The following RNF128 variants were observed in gnomAD, a reference collection of about 807,000 sequenced individuals.
RNF128 encodes the protein ring finger protein 128, also known as E3 ubiquitin-protein ligase RNF128.
A neutral mutation model predicts 26.2 loss-of-function variants in RNF128; 13 were observed. That is an observed-to-expected ratio of 0.50 (90% CI 0.32 to 0.79). The LOEUF is 0.79. Ranked by LOEUF, RNF128 falls within the 30% of genes least tolerant of loss-of-function variation. The pLI, the probability that RNF128 is intolerant of heterozygous loss-of-function variation, is 0.03. For synonymous variants in RNF128, 149 were observed against 142.5 expected, an observed-to-expected ratio of 1.05 and a Z score of -0.32; for missense variants, 315 against 349.7, an observed-to-expected ratio of 0.90 and a Z score of 0.79.
chrX:106,731,665 CTT>C (rs1396102246), intron 1 of RNF128, among the ~76,000 whole-genome samples: 1 of 111,207 alleles, frequency 9.0e-6, no homozygotes, highest in East Asian at 2.8e-4. Context: ...CCTTGCCTCT[CTT>C]TTGTTTCATT....
intron 1 of RNF128, among the ~76,000 whole-genome samples, chrX:106,754,564 T>A (rs1929967489): frequency 1.9e-5 from 2 of 107,929 alleles, no homozygotes; most frequent in South Asian, 4.1e-4. Context: ...CCAGCCAAAA[T>A]TTTTTTTAAA....
intron 1 of RNF128, among the ~76,000 whole-genome samples, chrX:106,714,177 CA>C (rs59889624): frequency 0.078 from 4,005 of 51,526 alleles, 241 homozygotes; most frequent in African/African-American, 0.18. Flanking sequence ...GACTCCGTCT[CA>C]AAAAAAAAAA....
chrX:106,768,006 A>C (rs189980996), intron 1 of RNF128, among the ~76,000 whole-genome samples: 26 of 111,506 alleles, frequency 2.3e-4, no homozygotes, highest in African/African-American at 8.1e-4. Context: ...TGTTTATATG[A>C]TGGATTACAT....
At chrX:106,770,739 G>A (rs1329484846) in intron 1 of RNF128, among the ~76,000 whole-genome samples, 3 of 111,903 alleles carry the variant, frequency 2.7e-5, no homozygotes, top group African/African-American at 9.8e-5. Context: ...ATCATCTGAA[G>A]CCTTCTTCTC....
chrX:106,764,279 A>C (rs921349288), intron 1 of RNF128, among the ~76,000 whole-genome samples: 8 of 110,517 alleles, frequency 7.2e-5, no homozygotes, highest in African/African-American at 2.6e-4. Flanking sequence ...TTTGTTTTTC[A>C]ACCTTCATCT....
intron 1 of RNF128, among the ~76,000 whole-genome samples, chrX:106,710,237 T>C (rs779128407): frequency 9.7e-4 from 108 of 111,749 alleles, no homozygotes; most frequent in African/African-American, 3.1e-3. Flanking sequence ...AGAATTTGTT[T>C]TGAACAGAAG....
At chrX:106,725,603 G>T (rs900098119), upstream of RNF128, among the ~76,000 whole-genome samples, 6 of 112,273 alleles carry the variant, frequency 5.3e-5, no homozygotes, top group African/African-American at 1.9e-4. Context: ...TTAGAATTGT[G>T]TCTCTGAACC....
At chrX:106,791,021 G>A (rs969231852) in intron 5 of RNF128, 45 bp from the exon 6 acceptor site, 1 of 1,137,871 alleles carries the variant, frequency 8.8e-7, no homozygotes, top group African/African-American at 1.8e-5. Flanking sequence ...TCGAGGAAAA[G>A]CGTGTACACT....
chrX:106,788,381 TATATATAATATATATTATATATA>T (rs1930709331), intron 4 of RNF128, among the ~76,000 whole-genome samples: 1 of 39,556 alleles, frequency 2.5e-5, no homozygotes, highest in East Asian at 9.1e-4. Flanking sequence ...TATTATATAT[TATATATAATATATATTATATATA>T]ATATATAATA....
chrX:106,756,308 G>A (rs2147684452), intron 1 of RNF128, among the ~76,000 whole-genome samples: 2 of 111,216 alleles, frequency 1.8e-5, no homozygotes, highest in East Asian at 5.7e-4. Flanking sequence ...AACAAAGCGG[G>A]AGGCATCACA....
At chrX:106,742,880 G>A (rs1386093544) in intron 1 of RNF128, among the ~76,000 whole-genome samples, 1 of 110,868 alleles carries the variant, frequency 9.0e-6, no homozygotes, top group African/African-American at 3.3e-5. Flanking sequence ...GCACAACTAT[G>A]TATATAGTGT....
At chrX:106,716,833 A>G (rs1929224504) in intron 1 of RNF128, among the ~76,000 whole-genome samples, 1 of 111,512 alleles carries the variant, frequency 9.0e-6, no homozygotes, top group Non-Finnish European at 1.9e-5. Context: ...TATTATGTGT[A>G]AAATACAGTG....
Position 106,693,946 on chromosome X carries a change from A to T in RNF128, c.-57A>T. On this transcript the variant is annotated 5_prime_UTR_variant, in exon 1 of 7. Coordinates refer to the RNF128 transcript ENST00000324342. ...GCAGGGACGTGAGTGGACAATGGTGACTGATAGTTGGAAATATCAGCAAAC... is the reference window on the plus strand; with the variant it reads ...GCAGGGACGTGAGTGGACAATGGTGTCTGATAGTTGGAAATATCAGCAAAC... 4 of 1,048,784 alleles carry T rather than the reference A, an allele frequency of 3.8e-6. No individual in the cohort carries two copies. In the South Asian group the frequency reaches 6.7e-5, roughly 18 times the overall value. The allele number at this position is 1,048,784 out of a possible 1,213,427, so 86.4% of individuals were successfully genotyped here.
chrX:106,698,508 G>A (rs1474036069), intron 1 of RNF128, among the ~76,000 whole-genome samples: 6 of 111,526 alleles, frequency 5.4e-5, no homozygotes, highest in African/African-American at 2.0e-4. Flanking sequence ...AATGAAGTGA[G>A]AAGATGACAA....
intron 1 of RNF128, among the ~76,000 whole-genome samples, chrX:106,719,073 T>C (rs1006132328): frequency 1.8e-5 from 2 of 112,423 alleles, no homozygotes; most frequent in Non-Finnish European, 3.8e-5. Flanking sequence ...CTTAGCTTAA[T>C]AGGTGATTGT....
intron 1 of RNF128, among the ~76,000 whole-genome samples, chrX:106,763,760 C>T (rs1462614889): frequency 8.9e-6 from 1 of 111,932 alleles, no homozygotes; most frequent in Non-Finnish European, 1.9e-5. Context: ...CCCGCCTCCT[C>T]GGCCTCCCAA....
rs1929409293 is a variant in RNF128 at position 106,726,934 on chromosome X, C to T, written c.21C>T (p.Ala7=). Reference sequence around the variant, plus strand: ...GCGCCATGGGGCCGCCGCCTGGGGCCGGGGTCTCCTGCCGCGGTGGCTGCG... The same window carrying T: ...GCGCCATGGGGCCGCCGCCTGGGGCTGGGGTCTCCTGCCGCGGTGGCTGCG... MGPPPG[A]GVSCRGGCGF... is the part of the protein sequence containing the mutation. Residue 7 remains alanine (A), a synonymous_variant, in exon 1 of 7, where the codon GCC becomes GCT. Transcript: ENST00000255499. The T allele has an allele frequency of 8.5e-7, 1 of 1,179,198 alleles. No individual in the cohort carries two copies. The highest frequency in any genetic ancestry group is 2.5e-5 in the Admixed American group (1 of 40,800).
At chrX:106,770,186 T>G (rs1930344784) in intron 1 of RNF128, among the ~76,000 whole-genome samples, 1 of 111,807 alleles carries the variant, frequency 8.9e-6, no homozygotes, top group South Asian at 3.8e-4. Flanking sequence ...CATTTTTTCC[T>G]TCTTTTCAAC....
intron 1 of RNF128, among the ~76,000 whole-genome samples, chrX:106,739,850 A>G (rs1397921031): frequency 9.0e-6 from 1 of 111,477 alleles, no homozygotes; most frequent in Non-Finnish European, 1.9e-5. Flanking sequence ...AAAGTCATGC[A>G]GAGGCATCCC....
Sources: allele counts gnomAD v4.1 joint callset (sites outside exome capture counted in the v4.1 genomes callset), GRCh38; gene constraint gnomAD v4.1.1; transcripts MANE v1.5; gene names NCBI Gene and HGNC (gene_info 2026-07-23, HGNC 2026-07-21).